The following EMC10 variants were observed in gnomAD, a reference collection of about 807,000 sequenced individuals.
EMC10 encodes the protein UPF0510 protein INM02.
EMC10 carries 40 observed loss-of-function variants against 32.2 expected under a neutral mutation model. The observed-to-expected ratio is 1.24, with a 90% CI of 0.96 to 1.61. The LOEUF (loss-of-function observed/expected upper bound fraction) is 1.61, where lower values mean the gene tolerates loss of function less well. Among genes scored for constraint, EMC10 ranks in the 40% most tolerant of loss-of-function variants. The probability of loss-of-function intolerance (pLI) is 0.00; values close to 1 mark genes in which losing one functional copy is unlikely to be tolerated. For missense variants in EMC10, 402 were observed against 357.7 expected, an observed-to-expected ratio of 1.12 and a Z score of -1.00; for synonymous variants, 178 against 158.4, an observed-to-expected ratio of 1.12 and a Z score of -0.93.
At position 50,489,173 on chromosome 19, in the gene EMC10, A is replaced by G. The variant is rs1568691366; in HGVS notation, c.*6914A>G. 1 of 152,416 alleles carries G rather than the reference A, an allele frequency of 6.6e-6. No individual in the cohort carries two copies. The highest frequency in any genetic ancestry group is 1.9e-4 in the East Asian group (1 of 5,184). The allele number at this position is 152,416 out of a possible 1,614,324, so 9.4% of individuals were successfully genotyped here. A position where few individuals can be genotyped will look rare whatever the true frequency, so the allele number is the denominator to read the frequency against. On this transcript the variant is annotated 3_prime_UTR_variant, in exon 7 of 7. Coordinates refer to ENST00000334976, the MANE Select transcript of EMC10 (RefSeq NM_206538.4). ...GGAAAGGAGAAAGGAAAAAATACAA[A>G]AAAGGGCAGAGAGAAAAGAACAGGC... is the stretch of plus-strand genomic sequence containing the variant.
chr19:50,481,813 G>A, intron 6 of EMC10: 2 of 1,492,154 alleles, frequency 1.3e-6, no homozygotes, highest in Non-Finnish European at 1.8e-6. Flanking sequence ...TGGCCCTCAG[G>A]CCCCACGGCA....
At position 50,490,523 on chromosome 19, in the gene EMC10, G is replaced by A. The variant is rs891700189; in HGVS notation, c.*8264G>A. ...GCAGCGTCACGTCCTTTCTCCCAGG[G>A]ATCTGTTGGTCGGAGACATCTGGAC... is the stretch of plus-strand genomic sequence containing the variant. On this transcript the variant is annotated 3_prime_UTR_variant, in exon 7 of 7. Transcript: ENST00000334976. The A allele has an allele frequency of 6.6e-6, 1 of 152,212 alleles. No homozygotes were observed. Among genetic ancestry groups the A allele is most frequent in the Non-Finnish European group, 1.5e-5 (1 of 68,030 alleles). 9.4% of individuals were successfully genotyped at this position (152,212 alleles called of 1,614,324 possible).
Position 50,476,596 on chromosome 19 carries a change from G to A in EMC10, c.52G>A (p.Ala18Thr). The A allele has an allele frequency of 6.4e-7, 1 of 1,570,748 alleles. No homozygotes were observed. ...CCGGCTGCTCCTGCTCTTGCTGATG[G>A]CGGTAGCAGCGCCCAGTCGAGCCCG... ...ATRLLLLLLM[A>T]VAAPSRARGS... The change falls in exon 1 of 7, where the codon GCG becomes ACG. Residue 18 changes from alanine to threonine, a missense_variant. By Grantham distance (58) the Ala-to-Thr change is moderately conservative. Transcript: ENST00000334976.
In EMC10 at chr19:50,482,170, G is replaced by A. The variant is rs147229320; in HGVS notation, c.700G>A (p.Val234Ile). 5.1e-4 allele frequency: 818 copies of A among 1,589,542 alleles called. No homozygotes were observed. Among genetic ancestry groups the A allele is most frequent in the East Asian group, 1.8e-3 (78 of 44,102 alleles). The change falls in exon 7 of 7, where the codon GTC (valine) becomes ATC (isoleucine). Residue 234 changes from valine to isoleucine, a missense_variant. Coordinates refer to ENST00000334976, the MANE Select transcript of EMC10 (RefSeq NM_206538.4). ...AKYWMYIIPV[V>I]LFLMMSGAPD... ...GCAGTGGATGTACATCATTCCCGTC[G>A]TCCTGTTCCTCATGATGTCAGGAGC... is the stretch of plus-strand genomic sequence containing the variant.
intron 1 of EMC10, among the ~76,000 whole-genome samples, chr19:50,477,637 TTTA>T (rs1403809637): frequency 2.6e-5 from 4 of 152,128 alleles, no homozygotes; most frequent in Non-Finnish European, 5.9e-5. Context: ...GAGAGTGTCA[TTTA>T]ACTCATGAGT....
chr19:50,483,138 T>C lies in EMC10; in HGVS notation c.*879T>C, dbSNP rs2040350108. 2.2e-6 allele frequency: 1 copy of C among 464,836 alleles called. No homozygotes were observed. 28.8% of individuals were successfully genotyped at this position (464,836 alleles called of 1,614,324 possible). A position where few individuals can be genotyped will look rare whatever the true frequency, so the allele number is the denominator to read the frequency against. ...AAAACATCGACGATACATTGAAATG[T>C]GTGAACGTTTTGAAAAGCTACAGCT... is the stretch of plus-strand genomic sequence containing the variant. On this transcript the variant is annotated 3_prime_UTR_variant, in exon 7 of 7. Transcript: ENST00000334976.
intron 6 of EMC10, chr19:50,481,824 GC>G: frequency 2.6e-6 from 4 of 1,515,080 alleles, no homozygotes; most frequent in Non-Finnish European, 2.6e-6. Context: ...CCCCACGGCA[GC>G]CCACTGGCCC....
Position 50,485,908 on chromosome 19 carries a change from A to T in EMC10, c.*3649A>T, listed in dbSNP as rs933562426. The T allele has an allele frequency of 2.0e-5, 3 of 152,028 alleles. No homozygotes were observed. Among genetic ancestry groups the T allele is most frequent in the African/African-American group, 7.3e-5 (3 of 41,342 alleles). The allele number at this position is 152,028 out of a possible 1,614,324, so 9.4% of individuals were successfully genotyped here. On this transcript the variant is annotated 3_prime_UTR_variant, in exon 7 of 7. Coordinates refer to ENST00000334976, the MANE Select transcript of EMC10 (RefSeq NM_206538.4). ...CCTGGACCCTCATCCTAGCCTCGTG[A>T]CTTCTGGTCTAAGATGTGAGAGCAC...
In EMC10 at chr19:50,488,338, G is replaced by C. The variant is rs1450073613; in HGVS notation, c.*6079G>C. 1 of 149,504 alleles carries C rather than the reference G, an allele frequency of 6.7e-6. No individual in the cohort carries two copies. Among genetic ancestry groups the C allele is most frequent in the Non-Finnish European group, 1.5e-5 (1 of 67,534 alleles). 9.3% of individuals were successfully genotyped at this position (149,504 alleles called of 1,614,324 possible). A position where few individuals can be genotyped will look rare whatever the true frequency, so the allele number is the denominator to read the frequency against. ...AAAAAAGAAAAGATGGCCAGAGCAG[G>C]AGGGGAGAGAGGAAGAGGGAGAAAG... On this transcript the variant is annotated 3_prime_UTR_variant, in exon 7 of 7. Coordinates refer to ENST00000334976, the MANE Select transcript of EMC10 (RefSeq NM_206538.4).
intron 1 of EMC10, among the ~76,000 whole-genome samples, chr19:50,477,603 A>G (rs760796511): frequency 2.0e-5 from 3 of 152,192 alleles, no homozygotes; most frequent in Non-Finnish European, 1.5e-5. Flanking sequence ...GAATATTAGC[A>G]TGAAAAAGAA....
chr19:50,477,926 C>T lies in EMC10; in HGVS notation c.115-3C>T, dbSNP rs2040254686. ...CACCTGGGGCCTTCTGTGTCCTCTG[C>T]AGGCTGGGGCGGAAGGTCGAGAGGG... On this transcript the variant is annotated splice_polypyrimidine_tract_variant and splice_region_variant and intron_variant, in intron 1 of 6. Coordinates refer to ENST00000334976, the MANE Select transcript of EMC10 (RefSeq NM_206538.4). 6.3e-7 allele frequency: 1 copy of T among 1,596,920 alleles called. No individual in the cohort carries two copies. The highest frequency in any genetic ancestry group is 2.3e-5 in the East Asian group (1 of 43,586).
Position 50,480,136 on chromosome 19 carries a change from ACCGGGT to A in EMC10, c.328_333del (p.Val110_Arg111del). On this transcript the variant is annotated inframe_deletion, in exon 4 of 7. Transcript: ENST00000334976. This position sits in a 1 kb window ranked among gnomAD's most constrained non-coding sequence, Gnocchi z 4.4. ...GATGTGGCAGCCCTGAATGGCCTGT[ACCGGGT>A]CCGGATCCCAAGGCGACCCGGGGCC... is the stretch of plus-strand genomic sequence containing the variant. 1 of 1,612,504 alleles carries A rather than the reference ACCGGGT, an allele frequency of 6.2e-7. No individual in the cohort carries two copies. Among genetic ancestry groups the A allele is most frequent in the Non-Finnish European group, 8.5e-7 (1 of 1,179,552 alleles).
chr19:50,481,080 T>A, intron 6 of EMC10, 103 bp downstream of exon 6: 1 of 854,758 alleles, frequency 1.2e-6, no homozygotes. Context: ...TGCTCGGGCC[T>A]GCTCCTTGTC....
In EMC10 at chr19:50,480,178, T is replaced by A. The variant is rs753350816; in HGVS notation, c.365T>A (p.Leu122Gln). Residue 122 changes from leucine to glutamine, a missense_variant, in exon 4 of 7, where the codon CTG (leucine) becomes CAG (glutamine). Leu to Gln is a moderately radical substitution (Grantham distance 113). Coordinates refer to ENST00000334976, the MANE Select transcript of EMC10 (RefSeq NM_206538.4). The surrounding 1 kb of genome is among the most constrained non-coding windows in gnomAD (Gnocchi z 4.4). ...AGGCGACCCGGGGCCCTGGATGGCCTGGAAGCTGGTGGCTATGTCTCCTCC... is the reference window on the plus strand; with the variant it reads ...AGGCGACCCGGGGCCCTGGATGGCCAGGAAGCTGGTGGCTATGTCTCCTCC... ...IPRRPGALDGLEAGGYVSSFV... is the reference protein window; with the variant it reads ...IPRRPGALDGQEAGGYVSSFV... 1 of 1,613,888 alleles carries A rather than the reference T, an allele frequency of 6.2e-7. No individual in the cohort carries two copies. Among genetic ancestry groups the A allele is most frequent in the South Asian group, 1.1e-5 (1 of 90,942 alleles).
In EMC10 at chr19:50,476,896, T is replaced by C. The variant is rs951432571; in HGVS notation, c.114+238T>C. Reference sequence around the variant, plus strand: ...GTCGGAAGGCTCTGGCTCGGGAATATGTATGAGGGGGCGGGGCTGGGGGTG... The same window carrying C: ...GTCGGAAGGCTCTGGCTCGGGAATACGTATGAGGGGGCGGGGCTGGGGGTG... On this transcript the variant is annotated intron_variant, in intron 1 of 6. Transcript: ENST00000334976. The C allele has an allele frequency of 2.0e-5, 8 of 394,056 alleles. No homozygotes were observed. The Admixed American group carries it at 2.2e-4, about 11-fold the overall frequency. The allele number at this position is 394,056 out of a possible 1,614,324, so 24.4% of individuals were successfully genotyped here.
At chr19:50,477,463 C>G (rs955311158) in intron 1 of EMC10, among the ~76,000 whole-genome samples, 1 of 152,120 alleles carries the variant, frequency 6.6e-6, no homozygotes, top group Non-Finnish European at 1.5e-5. Context: ...GTTTTGTCTC[C>G]TAAATATGCG....
In EMC10 at chr19:50,483,464, G is replaced by A. The variant is rs531732561; in HGVS notation, c.*1205G>A. ...GGATGCATGACTAAAATGGAATTAC[G>A]ATGGCAGATCGGAAACGCGTTTATA... is the stretch of plus-strand genomic sequence containing the variant. On this transcript the variant is annotated 3_prime_UTR_variant, in exon 7 of 7. Transcript: ENST00000334976. The A allele has an allele frequency of 4.1e-5, 7 of 172,738 alleles. No homozygotes were observed. Among genetic ancestry groups the A allele is most frequent in the Non-Finnish European group, 6.2e-5 (5 of 80,684 alleles). The allele number at this position is 172,738 out of a possible 1,614,324, so 10.7% of individuals were successfully genotyped here.
chr19:50,481,479 G>C, intron 6 of EMC10: 1 of 268,440 alleles, frequency 3.7e-6, no homozygotes, highest in Non-Finnish European at 7.0e-6. Context: ...TGAGGCGTGG[G>C]GTGGGGAGGC....
rs113205942 is a variant in EMC10 at position 50,481,090 on chromosome 19, C to T, written c.678+113C>T. The T allele has an allele frequency of 2.8e-4, 208 of 731,154 alleles. 2 individuals are homozygous for T. The highest frequency in any genetic ancestry group is 2.8e-3 in the African/African-American group (157 of 55,714). The allele number at this position is 731,154 out of a possible 1,614,324, so 45.3% of individuals were successfully genotyped here. On this transcript the variant is annotated intron_variant, in intron 6 of 6. Transcript: ENST00000334976. ...TATGGTGCTCGGGCCTGCTCCTTGT[C>T]CTCCGGGCCTCCTGTGTGTCCTGGT...
Sources: gnomAD v4.1 joint callset for allele counts (sites outside exome capture counted in the v4.1 genomes callset) on GRCh38, gnomAD v4.1.1 for gene constraint, Gnocchi (gnomAD v3.1) non-coding constraint, MANE v1.5 for transcripts, NCBI Gene and HGNC (gene_info 2026-07-23, HGNC 2026-07-21) for gene names.